Variants in RCSD1 observed in about 807,000 individuals in gnomAD.
The protein encoded by RCSD1 is capZ-interacting protein.
Under a neutral mutation model 42.5 loss-of-function variants are expected in RCSD1, and 26 were observed. The observed-to-expected ratio is 0.61, with a 90% confidence interval of 0.45 to 0.85. RCSD1 has a LOEUF of 0.85. Among genes scored for constraint, RCSD1 ranks in the 40% least tolerant of loss-of-function variants. RCSD1 has a pLI of 0.00. For synonymous variants in RCSD1, 220 were observed against 212.2 expected (o/e 1.04, Z -0.32); for missense variants, 571 against 528.3 (o/e 1.08, Z -0.79).
rs764439636 is a variant in RCSD1, at chr1:167,704,648, C to T, written c.1219-16C>T. On this transcript the variant is annotated splice_polypyrimidine_tract_variant and intron_variant, in intron 6 of 6. Transcript: ENST00000367854. ...TCACCATTTTCCTAATTAATTCTTT[C>T]CTCCCCTGTTCACAGGATGACACTC... 20 of 1,610,742 alleles carry T rather than the reference C, an allele frequency of 1.2e-5. No homozygotes were observed. The South Asian group carries it at 2.1e-4, about 17-fold the overall frequency.
chr1:167,689,114 G>A (rs1357037123), intron 3 of RCSD1, among the ~76,000 whole-genome samples: 1 of 152,158 alleles, frequency 6.6e-6, no homozygotes, highest in Non-Finnish European at 1.5e-5. Context: ...CTGCCACCGA[G>A]ACTGAATCAT....
At chr1:167,650,306 TG>T (rs1215479795) in intron 1 of RCSD1, among the ~76,000 whole-genome samples, 1 of 152,114 alleles carries the variant, frequency 6.6e-6, no homozygotes, top group Non-Finnish European at 1.5e-5. Context: ...GATGTGTGTG[TG>T]TTGGGGTGGG....
chr1:167,637,758 A>ACACACACC (rs1270142997), intron 1 of RCSD1, among the ~76,000 whole-genome samples: 1 of 151,958 alleles, frequency 6.6e-6, no homozygotes, highest in Non-Finnish European at 1.5e-5. Context: ...ACACACACAC[A>ACACACACC]CACACACCCC....
intron 4 of RCSD1, among the ~76,000 whole-genome samples, chr1:167,691,180 A>G (rs1659367510): frequency 6.6e-6 from 1 of 152,138 alleles, no homozygotes; most frequent in Non-Finnish European, 1.5e-5. Context: ...CCACCCATTG[A>G]TGCCAGTAGC....
chr1:167,630,502 GC>G (rs1488275797), intron 1 of RCSD1, 73 bp downstream of exon 1: 3 of 1,417,814 alleles, frequency 2.1e-6, no homozygotes, highest in Non-Finnish European at 9.3e-7. Flanking sequence ...CCGGGCGGCT[GC>G]CCCTGCCCTG....
At chr1:167,633,659 C>T (rs530516889) in intron 1 of RCSD1, 1 of 152,258 alleles carries the variant, frequency 6.6e-6, no homozygotes, top group African/African-American at 2.4e-5. Flanking sequence ...AGGCCATCTG[C>T]AACTCTTGAA....
At chr1:167,676,316 T>A (rs1363725943) in intron 1 of RCSD1, among the ~76,000 whole-genome samples, 1 of 152,208 alleles carries the variant, frequency 6.6e-6, no homozygotes, top group Non-Finnish European at 1.5e-5. Flanking sequence ...TCAGCCTCCT[T>A]CCTGCCATCC....
chr1:167,648,154 C>G (rs556399852), intron 1 of RCSD1, among the ~76,000 whole-genome samples: 5 of 152,266 alleles, frequency 3.3e-5, no homozygotes, highest in African/African-American at 1.2e-4. Flanking sequence ...TCCTCATAGT[C>G]ATATTTTCAT....
chr1:167,651,848 AG>A (rs1658315871), intron 1 of RCSD1, among the ~76,000 whole-genome samples: 1 of 151,868 alleles, frequency 6.6e-6, no homozygotes, highest in African/African-American at 2.4e-5. Context: ...GCTGTTCTTG[AG>A]GGGGGCTGCG....
At chr1:167,649,764 G>C (rs1448637783) in intron 1 of RCSD1, among the ~76,000 whole-genome samples, 1 of 152,198 alleles carries the variant, frequency 6.6e-6, no homozygotes, top group South Asian at 2.1e-4. Context: ...TCTATCTAAG[G>C]CCTAGCTGAC....
At chr1:167,640,210 C>A (rs1380473565) in intron 1 of RCSD1, among the ~76,000 whole-genome samples, 1 of 152,172 alleles carries the variant, frequency 6.6e-6, no homozygotes, top group African/African-American at 2.4e-5. Flanking sequence ...ACAACAGAAA[C>A]GTCTCCTTTC....
At chr1:167,648,759 A>G (rs1387618955) in intron 1 of RCSD1, among the ~76,000 whole-genome samples, 1 of 152,204 alleles carries the variant, frequency 6.6e-6, no homozygotes, top group Non-Finnish European at 1.5e-5. Context: ...CCAGTCAGGG[A>G]TGGAGGCAGA....
intron 1 of RCSD1, among the ~76,000 whole-genome samples, chr1:167,666,079 TG>T (rs1165677705): frequency 6.6e-6 from 1 of 152,238 alleles, no homozygotes; most frequent in Non-Finnish European, 1.5e-5. Flanking sequence ...CCCAAAGTGC[TG>T]GGATTACAGG....
chr1:167,688,513 G>A (rs1659291953), intron 3 of RCSD1, among the ~76,000 whole-genome samples: 1 of 152,136 alleles, frequency 6.6e-6, no homozygotes, highest in Non-Finnish European at 1.5e-5. Context: ...AGAGGCAGCA[G>A]GAGTCCTTAG....
In RCSD1 at chr1:167,702,977, T is replaced by C. The variant is rs1199672393; in HGVS notation, c.1219-1687T>C. On this transcript the variant is annotated intron_variant, in intron 6 of 6. Coordinates refer to ENST00000367854, the MANE Select transcript of RCSD1 (RefSeq NM_052862.4). Reference sequence around the variant, plus strand: ...TTAACAATAAGTGCCGACTTCCTAATTGCCTGATTCAATTGCTTTCCAAGT... The same window carrying C: ...TTAACAATAAGTGCCGACTTCCTAACTGCCTGATTCAATTGCTTTCCAAGT... 3.3e-5 allele frequency among the ~76,000 whole-genome samples: 5 copies of C among 152,238 alleles called. No individual in the cohort carries two copies. The East Asian group carries it at 7.7e-4, about 23-fold the overall frequency.
At chr1:167,668,188 G>A (rs928960277) in intron 1 of RCSD1, among the ~76,000 whole-genome samples, 2 of 151,998 alleles carry the variant, frequency 1.3e-5, no homozygotes, top group East Asian at 1.9e-4. Context: ...GGGAGGCTGC[G>A]GCAGGAGAAT....
At chr1:167,642,891 G>A (rs1658041923) in intron 1 of RCSD1, among the ~76,000 whole-genome samples, 1 of 152,220 alleles carries the variant, frequency 6.6e-6, no homozygotes, top group Admixed American at 6.5e-5. Context: ...GAATTAGGCA[G>A]TAGAATTTGA....
At chr1:167,682,809 G>T (rs745402853) in intron 1 of RCSD1, among the ~76,000 whole-genome samples, 4 of 152,082 alleles carry the variant, frequency 2.6e-5, no homozygotes, top group Non-Finnish European at 4.4e-5. Flanking sequence ...ACAAACTGCT[G>T]CCCAAATCCT....
intron 1 of RCSD1, among the ~76,000 whole-genome samples, chr1:167,634,546 G>A (rs1007669807): frequency 6.6e-6 from 1 of 152,172 alleles, no homozygotes; most frequent in African/African-American, 2.4e-5. Flanking sequence ...GGACAGAGGT[G>A]TGTAAAGAAG....
Sources: gnomAD v4.1 joint callset for allele counts (sites outside exome capture counted in the v4.1 genomes callset) on GRCh38, gnomAD v4.1.1 for gene constraint, MANE v1.5 for transcripts, NCBI Gene and HGNC (gene_info 2026-07-23, HGNC 2026-07-21) for gene names.